SAMMSON: variants seen among roughly 807,000 people sequenced by gnomAD.
SAMMSON encodes the protein survival associated mitochondrial melanoma specific oncogenic non-coding RNA.
intron 4 of SAMMSON, among the ~76,000 whole-genome samples, chr3:70,114,508 C>T (rs1162721775): frequency 6.6e-6 from 1 of 152,190 alleles, no homozygotes; most frequent in African/African-American, 2.4e-5. Flanking sequence ...AGTAAGTTTT[C>T]TATTTACAGT....
At chr3:70,124,809 C>T in intron 4 of SAMMSON, among the ~76,000 whole-genome samples, 1 of 65,978 alleles carries the variant, frequency 1.5e-5, no homozygotes, top group East Asian at 5.6e-4. Flanking sequence ...AGCGAGACTC[C>T]ATCTCAAAAA....
intron 7 of SAMMSON, among the ~76,000 whole-genome samples, chr3:70,326,453 A>G (rs1484270080): frequency 6.6e-6 from 1 of 152,192 alleles, no homozygotes; most frequent in Non-Finnish European, 1.5e-5. Flanking sequence ...GGACAAAGTA[A>G]ATATTTAAGT....
intron 4 of SAMMSON, among the ~76,000 whole-genome samples, chr3:70,154,839 T>G (rs1426292463): frequency 1.3e-5 from 2 of 151,932 alleles, no homozygotes; most frequent in Non-Finnish European, 2.9e-5. Flanking sequence ...TTACCTTTGA[T>G]CCTATGGAGA....
At chr3:70,229,365 C>A (rs906192146) in intron 4 of SAMMSON, among the ~76,000 whole-genome samples, 3 of 152,128 alleles carry the variant, frequency 2.0e-5, no homozygotes, top group Non-Finnish European at 4.4e-5. Flanking sequence ...ATATCCGATC[C>A]TTCAAATATG....
chr3:70,311,389 A>G (rs1277419534), intron 7 of SAMMSON, among the ~76,000 whole-genome samples: 1 of 152,204 alleles, frequency 6.6e-6, no homozygotes, highest in African/African-American at 2.4e-5. Context: ...GCGTATTTCA[A>G]GCAACCATTT....
intron 4 of SAMMSON, among the ~76,000 whole-genome samples, chr3:70,099,485 A>G (rs951961288): frequency 2.0e-5 from 3 of 151,998 alleles, no homozygotes; most frequent in Non-Finnish European, 4.4e-5. Context: ...AAATGTTTCT[A>G]TGGTCATTTA....
At chr3:70,092,459 T>TA (rs2067308277) in intron 4 of SAMMSON, among the ~76,000 whole-genome samples, 2 of 151,726 alleles carry the variant, frequency 1.3e-5, no homozygotes, top group East Asian at 1.9e-4. Flanking sequence ...TTTTTTTTTT[T>TA]ATAAAGCTTT....
In SAMMSON at chr3:70,171,134, A is replaced by C. The variant is rs372922749; in HGVS notation, n.508-77973A>C. ...TTCCTGCTGTCCAGAAAACACTCTT[A>C]AAAAAACACATACACAACATTTTTT... On this transcript the variant is annotated intron_variant and non_coding_transcript_variant, in intron 4 of 9. Coordinates refer to ENST00000642114, the Ensembl canonical transcript of SAMMSON. Among the ~76,000 whole-genome samples the C allele has an allele frequency of 5.3e-4, 81 of 151,962 alleles. No homozygotes were observed. In the South Asian group the frequency reaches 0.017, roughly 32 times the overall value.
intron 4 of SAMMSON, among the ~76,000 whole-genome samples, chr3:70,124,036 C>T (rs1484415861): frequency 1.3e-5 from 2 of 152,196 alleles, no homozygotes; most frequent in African/African-American, 4.8e-5. Flanking sequence ...GGTCCAGCTT[C>T]CTCGCTGACT....
intron 3 of SAMMSON, among the ~76,000 whole-genome samples, chr3:70,047,405 C>T (rs1326864902): frequency 3.3e-5 from 5 of 149,290 alleles, no homozygotes; most frequent in Admixed American, 1.3e-4. Flanking sequence ...AGTGTGATCT[C>T]GGCTCACTGC....
intron 6 of SAMMSON, among the ~76,000 whole-genome samples, chr3:70,286,971 G>A (rs192122371): frequency 0.011 from 1,655 of 149,838 alleles, 25 homozygotes; most frequent in African/African-American, 0.038. Context: ...AGACAATGGC[G>A]TTTTCTAGAT....
chr3:70,354,569 C>A (rs1307868896), intron 8 of SAMMSON, among the ~76,000 whole-genome samples: 1 of 152,142 alleles, frequency 6.6e-6, no homozygotes, highest in Non-Finnish European at 1.5e-5. Flanking sequence ...TGAGGCTGCA[C>A]CTTTCAGACT....
chr3:70,255,961 A>G (rs1313963642), intron 6 of SAMMSON, among the ~76,000 whole-genome samples: 1 of 151,896 alleles, frequency 6.6e-6, no homozygotes, highest in Non-Finnish European at 1.5e-5. Context: ...TACAACACGT[A>G]ATTGAAAATC....
chr3:70,280,997 T>C lies in SAMMSON; in HGVS notation n.675-10182T>C, dbSNP rs796867533. Reference sequence around the variant, plus strand: ...CACAGCTGTACATAGTTTGTTAAACTTACGTATAAAAAAATGACAATTTCC... The same window carrying C: ...CACAGCTGTACATAGTTTGTTAAACCTACGTATAAAAAAATGACAATTTCC... On this transcript the variant is annotated intron_variant and non_coding_transcript_variant, in intron 6 of 9. Transcript: ENST00000642114. 2.6e-5 allele frequency among the ~76,000 whole-genome samples: 4 copies of C among 152,348 alleles called. 1 individual carries two copies. In the South Asian group the frequency reaches 6.2e-4, roughly 24 times the overall value.
At chr3:70,345,657 C>T (rs1165408773) in intron 7 of SAMMSON, among the ~76,000 whole-genome samples, 1 of 152,174 alleles carries the variant, frequency 6.6e-6, no homozygotes, top group African/African-American at 2.4e-5. Context: ...CCCTCATCCC[C>T]TCCAAAACCT....
intron 4 of SAMMSON, among the ~76,000 whole-genome samples, chr3:70,176,467 G>T (rs1018710904): frequency 5.9e-5 from 9 of 152,250 alleles, no homozygotes; most frequent in African/African-American, 1.7e-4. Flanking sequence ...TTGACCTGAC[G>T]TGGATGACAA....
At chr3:70,051,042 A>G (rs1348607482) in intron 3 of SAMMSON, among the ~76,000 whole-genome samples, 1 of 143,698 alleles carries the variant, frequency 7.0e-6, no homozygotes, top group African/African-American at 2.6e-5. Flanking sequence ...AGGCAGAGGC[A>G]GGAGATTGCT....
rs1333767455 is a variant in SAMMSON, at chr3:70,297,046, G to C, written n.739+5803G>C. ...TACTATGGCTTAACCAAGGTGTGCT[G>C]ATTGATGAATTAAGGAATATATTAT... is the stretch of plus-strand genomic sequence containing the variant. On this transcript the variant is annotated intron_variant and non_coding_transcript_variant, in intron 7 of 9. Coordinates refer to ENST00000642114, the Ensembl canonical transcript of SAMMSON. Among the ~76,000 whole-genome samples the C allele has an allele frequency of 6.6e-5, 10 of 152,072 alleles. No homozygotes were observed. The East Asian group carries it at 1.9e-3, about 29-fold the overall frequency.
At chr3:70,328,576 A>G (rs1702597897) in intron 7 of SAMMSON, among the ~76,000 whole-genome samples, 2 of 152,162 alleles carry the variant, frequency 1.3e-5, no homozygotes, top group African/African-American at 4.8e-5. Flanking sequence ...ACTGCAGAAG[A>G]AAATATGAGT....
Sources: gnomAD v4.1 joint callset for allele counts (sites outside exome capture counted in the v4.1 genomes callset) on GRCh38, gnomAD v4.1.1 for gene constraint, MANE v1.5 for transcripts, NCBI Gene and HGNC (gene_info 2026-07-23, HGNC 2026-07-21) for gene names.